Variants in MICAL2 observed in about 807,000 individuals in gnomAD.
The protein encoded by MICAL2 is microtubule associated monooxygenase, calponin and LIM domain containing 2.
In MICAL2, 77 loss-of-function variants were observed where a neutral mutation model predicts 127.3. That is an observed-to-expected ratio of 0.60 (90% CI 0.50 to 0.73). The LOEUF (loss-of-function observed/expected upper bound fraction) is 0.73, where lower values mean the gene tolerates loss of function less well. Ranked by LOEUF, MICAL2 falls within the 30% of genes least tolerant of loss-of-function variation. The probability of loss-of-function intolerance (pLI) is 0.00; values close to 1 mark genes in which losing one functional copy is unlikely to be tolerated. For missense variants in MICAL2, 1,351 were observed against 1,434.4 expected (o/e 0.94, Z 0.94); for synonymous variants, 570 against 551.1 (o/e 1.03, Z -0.48).
At chr11:12,324,889 C>T (rs751348107) in intron 31 of MICAL2, among the ~76,000 whole-genome samples, 1 of 152,182 alleles carries the variant, frequency 6.6e-6, no homozygotes, top group Admixed American at 6.5e-5. Flanking sequence ...CTACTTGCAA[C>T]CTCTAAAACA....
downstream of MICAL2, among the ~76,000 whole-genome samples, chr11:12,267,035 T>A (rs1178709467): frequency 6.6e-6 from 1 of 152,230 alleles, no homozygotes. Flanking sequence ...GACAGCGGTC[T>A]CGATTCACAC....
At chr11:12,117,846 GA>G (rs1228497436) in intron 1 of MICAL2, among the ~76,000 whole-genome samples, 3 of 152,228 alleles carry the variant, frequency 2.0e-5, no homozygotes, top group Non-Finnish European at 4.4e-5. Flanking sequence ...ATGACTAAAT[GA>G]AAGGAAAACA....
intron 22 of MICAL2, 109 bp from the exon 23 acceptor site, chr11:12,255,534 G>A (rs887640720): frequency 3.3e-6 from 3 of 911,148 alleles, no homozygotes; most frequent in East Asian, 2.6e-5. Context: ...GGTGCTATTT[G>A]CATGTGGGTG....
intron 29 of MICAL2, among the ~76,000 whole-genome samples, chr11:12,304,697 AC>A (rs1864089463): frequency 6.9e-6 from 1 of 145,028 alleles, no homozygotes. Flanking sequence ...CACACACAAA[AC>A]ATTCTTCTCC....
intron 15 of MICAL2, among the ~76,000 whole-genome samples, chr11:12,230,801 G>A (rs919956243): frequency 3.9e-5 from 6 of 151,924 alleles, no homozygotes; most frequent in Admixed American, 3.3e-4. Context: ...TCTCCATCAA[G>A]GATCTCATTT....
In MICAL2 at chr11:12,249,213, T is replaced by G. The variant is rs377365465; in HGVS notation, c.2814T>G (p.Phe938Leu). The G allele has an allele frequency of 6.2e-7, 1 of 1,612,234 alleles. No individual in the cohort carries two copies. The highest frequency in any genetic ancestry group is 1.3e-5 in the African/African-American group (1 of 74,892). ...AGAAGTCACCTTCAGGGTTCCATTT[T>G]CATCCCAGCCATTTGAGAACAGTGC... is the stretch of plus-strand genomic sequence containing the variant. ...KEKKSPSGFH[F>L]HPSHLRTVHP... The change falls in exon 22 of 28, where the codon TTT becomes TTG. Residue 938 changes from phenylalanine (F) to leucine (L), a missense_variant. Physicochemically the swap from Phe to Leu is conservative, Grantham distance 22. Around this residue, in one of 2 missense-constraint regions of MICAL2, gnomAD observed 752 missense variants for 719.4 expected, o/e 1.05. Transcript: ENST00000683283.
intron 1 of MICAL2, among the ~76,000 whole-genome samples, chr11:12,125,928 G>GT (rs1458065083): frequency 6.6e-6 from 1 of 152,112 alleles, no homozygotes; most frequent in Non-Finnish European, 1.5e-5. Flanking sequence ...ATGTGAACTG[G>GT]TGAGGCCATG....
At chr11:12,354,738 T>C in intron 33 of MICAL2, 1 of 1,558,238 alleles carries the variant, frequency 6.4e-7, no homozygotes, top group Middle Eastern at 1.7e-4. Flanking sequence ...CAATGTTTCC[T>C]CACAAATCTA....
At chr11:12,278,380 T>C (rs1863741488) in intron 1 of MICAL2, among the ~76,000 whole-genome samples, 1 of 152,188 alleles carries the variant, frequency 6.6e-6, no homozygotes, top group South Asian at 2.1e-4. Context: ...CTGTAGGTTT[T>C]AAACCAGCAT....
downstream of MICAL2, among the ~76,000 whole-genome samples, chr11:12,268,229 G>A (rs1363754533): frequency 6.6e-6 from 1 of 152,162 alleles, no homozygotes; most frequent in Non-Finnish European, 1.5e-5. Flanking sequence ...TTATGAGAAG[G>A]GAGTTTTGAT....
At chr11:12,143,198 G>C (rs189197302) in intron 2 of MICAL2, among the ~76,000 whole-genome samples, 1 of 152,196 alleles carries the variant, frequency 6.6e-6, no homozygotes, top group Non-Finnish European at 1.5e-5. Context: ...CAGAAAAGGA[G>C]GCAGACGGTT....
chr11:12,188,138 A>G (rs4757256), intron 3 of MICAL2, among the ~76,000 whole-genome samples: 32,789 of 152,178 alleles, frequency 0.22, 4,224 homozygotes, highest in African/African-American at 0.36. Context: ...TGCGCTGTAC[A>G]TATAAAATAC....
chr11:12,115,596 G>C (rs965628416), intron 1 of MICAL2, among the ~76,000 whole-genome samples: 7 of 152,118 alleles, frequency 4.6e-5, no homozygotes, highest in African/African-American at 1.7e-4. Context: ...TGGGATCACA[G>C]GTATGAACCA....
downstream of MICAL2, among the ~76,000 whole-genome samples, chr11:12,266,133 A>T (rs903571286): frequency 6.6e-6 from 1 of 152,206 alleles, no homozygotes. Context: ...AATAAAAATT[A>T]TAGTGCATCT....
At chr11:12,294,833 C>CCTA (rs1565297231), downstream of MICAL2, 1 of 1,509,046 alleles carries the variant, frequency 6.6e-7, no homozygotes, top group Non-Finnish European at 8.8e-7. Context: ...TCCTCCTCCT[C>CCTA]CTCCTCCTAC....
At chr11:12,288,878 T>C (rs1457871473), downstream of MICAL2, among the ~76,000 whole-genome samples, 1 of 152,208 alleles carries the variant, frequency 6.6e-6, no homozygotes, top group East Asian at 1.9e-4. Flanking sequence ...TCCCCAGAGC[T>C]GAAAGCCACG....
chr11:12,220,348 G>A lies in MICAL2; in HGVS notation c.1096G>A (p.Val366Met), dbSNP rs1229138651. Reference sequence around the variant, plus strand: ...CATGAACCACTATGGGCAGCCTGATGTGGCCATGTTTGACTTTACCTGCAT... The same window carrying A: ...CATGAACCACTATGGGCAGCCTGATATGGCCATGTTTGACTTTACCTGCAT... ...FAMNHYGQPD[V>M]AMFDFTCMYA... Residue 366 changes from valine (V) to methionine (M), a missense_variant, in exon 9 of 28, where the codon GTG becomes ATG. Around this residue, in one of 2 missense-constraint regions of MICAL2, gnomAD observed 599 missense variants for 714.9 expected, o/e 0.84. Transcript: ENST00000683283. The A allele has an allele frequency of 2.5e-6, 4 of 1,614,238 alleles. No homozygotes were observed. The highest frequency in any genetic ancestry group is 1.1e-5 in the South Asian group (1 of 91,086).
intron 23 of MICAL2, chr11:12,256,014 G>A (rs995363246): frequency 7.2e-6 from 3 of 419,442 alleles, no homozygotes; most frequent in Non-Finnish European, 1.3e-5. Flanking sequence ...CGGCCTGGTA[G>A]AAAGGCCCAG....
chr11:12,332,812 A>G lies in MICAL2; in HGVS notation c.5515+5546A>G, dbSNP rs928968514. On this transcript the variant is annotated intron_variant, in intron 32 of 34. Coordinates refer to the MICAL2 transcript ENST00000646065. ...GCAAGTAGTTGTGCAGTAGTCACAC[A>G]GTAGTATCCTGACCCCCTTCTTGGA... Among the ~76,000 whole-genome samples, 3 of 152,202 alleles carry G rather than the reference A, an allele frequency of 2.0e-5. No homozygotes were observed. The South Asian group carries it at 6.2e-4, about 31-fold the overall frequency.
Sources: gnomAD v4.1 joint callset for allele counts (sites outside exome capture counted in the v4.1 genomes callset) on GRCh38, gnomAD v4.1.1 for gene constraint, gnomAD v4.1.1 regional missense constraint, MANE v1.5 for transcripts, NCBI Gene and HGNC (gene_info 2026-07-23, HGNC 2026-07-21) for gene names.